The following SLC44A1 variants were observed in gnomAD, a reference collection of about 807,000 sequenced individuals.
SLC44A1 encodes choline transporter-like protein 1.
Under a neutral mutation model 79.3 loss-of-function variants are expected in SLC44A1, and 26 were observed. That is an observed-to-expected ratio of 0.33 (90% confidence interval 0.24 to 0.46). The LOEUF (loss-of-function observed/expected upper bound fraction) is 0.46, where lower values mean the gene tolerates loss of function less well. Ranked by LOEUF, SLC44A1 falls within the 20% of genes least tolerant of loss-of-function variation. The pLI, the probability that SLC44A1 is intolerant of heterozygous loss-of-function variation, is 1.00. For missense variants in SLC44A1, 688 were observed against 798.1 expected (o/e 0.86, Z 1.66); for synonymous variants, 263 against 286.2 (o/e 0.92, Z 0.82).
Position 105,391,294 on chromosome 9 carries a change from T to A in SLC44A1, c.*2238T>A, listed in dbSNP as rs1828757557. On this transcript the variant is annotated 3_prime_UTR_variant, in exon 16 of 16. Transcript: ENST00000374720. The stretch of plus-strand genomic sequence containing the variant: ...ACCAGGAATGCTTTCTAATTATCAT[T>A]TGCAACTAGAACTGTAATCAGAAAG... 1 of 985,758 alleles carries A rather than the reference T, an allele frequency of 1.0e-6. No individual in the cohort carries two copies. The highest frequency in any genetic ancestry group is 1.2e-6 in the Non-Finnish European group (1 of 829,928). 61.1% of individuals were successfully genotyped at this position (985,758 alleles called of 1,614,324 possible). A position where few individuals can be genotyped will look rare whatever the true frequency, so the allele number is the denominator to read the frequency against.
At chr9:105,404,827 AG>A (rs1405557296) in intron 15 of SLC44A1, among the ~76,000 whole-genome samples, 2 of 152,204 alleles carry the variant, frequency 1.3e-5, no homozygotes, top group East Asian at 3.9e-4. Flanking sequence ...AAGCCACAAA[AG>A]CTTTTTGAGG....
chr9:105,276,117 C>G (rs1830195066), intron 1 of SLC44A1, among the ~76,000 whole-genome samples: 1 of 152,084 alleles, frequency 6.6e-6, no homozygotes, highest in Non-Finnish European at 1.5e-5. Context: ...GAAGAACAAT[C>G]TTAGAGTCAC....
Position 105,335,491 on chromosome 9 carries a change from C to T in SLC44A1, c.270-72C>T, listed in dbSNP as rs574713620. ...TGGAATAGATGTTCTTTGCTCTAGG[C>T]TTAGTCAAATATGCAGGGACCCACA... On this transcript the variant is annotated intron_variant, in intron 3 of 15. Coordinates refer to ENST00000374720, the MANE Select transcript of SLC44A1 (RefSeq NM_080546.5). The T allele has an allele frequency of 2.6e-6, 3 of 1,169,130 alleles. No homozygotes were observed. In the East Asian group the frequency reaches 7.3e-5, roughly 29 times the overall value. The allele number at this position is 1,169,130 out of a possible 1,614,324, so 72.4% of individuals were successfully genotyped here. A position where few individuals can be genotyped will look rare whatever the true frequency, so the allele number is the denominator to read the frequency against.
chr9:105,357,223 T>C (rs892312146), intron 6 of SLC44A1: 2 of 152,212 alleles, frequency 1.3e-5, no homozygotes, highest in African/African-American at 4.8e-5. Flanking sequence ...AAGGCTCCCA[T>C]CTGTTTTTGG....
At chr9:105,266,568 A>G (rs1032491079) in intron 1 of SLC44A1, among the ~76,000 whole-genome samples, 1 of 152,308 alleles carries the variant, frequency 6.6e-6, no homozygotes, top group East Asian at 1.9e-4. Flanking sequence ...GACAAAGACT[A>G]TGTTTTCCAT....
chr9:105,277,260 T>C (rs568509156), intron 1 of SLC44A1, among the ~76,000 whole-genome samples: 1 of 152,216 alleles, frequency 6.6e-6, no homozygotes. Context: ...GTAATAGATG[T>C]GTGTTGTGGA....
At chr9:105,421,295 A>C (rs897244351) in intron 15 of SLC44A1, among the ~76,000 whole-genome samples, 6 of 152,188 alleles carry the variant, frequency 3.9e-5, no homozygotes, top group African/African-American at 1.4e-4. Flanking sequence ...TAGTAAGCAA[A>C]AGCCACTGTG....
chr9:105,315,956 G>A lies in SLC44A1; in HGVS notation c.269+6090G>A, dbSNP rs1029773367. Reference sequence around the variant, plus strand: ...ATTTAGCCCTCAGCAAATATTTATGGAAAATCAGCTGTGTCCTACAGACCA... The same window carrying A: ...ATTTAGCCCTCAGCAAATATTTATGAAAAATCAGCTGTGTCCTACAGACCA... On this transcript the variant is annotated intron_variant, in intron 3 of 15. Coordinates refer to ENST00000374720, the MANE Select transcript of SLC44A1 (RefSeq NM_080546.5). Among the ~76,000 whole-genome samples the A allele has an allele frequency of 3.9e-5, 6 of 151,944 alleles. No homozygotes were observed. The South Asian group carries it at 6.2e-4, about 16-fold the overall frequency.
chr9:105,282,343 C>A lies in SLC44A1; in HGVS notation c.37-16877C>A, dbSNP rs539582753. 2.4e-3 allele frequency among the ~76,000 whole-genome samples: 359 copies of A among 151,644 alleles called. 1 individual carries two copies. The highest frequency in any genetic ancestry group is 8.1e-3 in the African/African-American group (336 of 41,388). ...CTTATTTGAGTGTGTCTAATCTAAT[C>A]ACTTTTGATCTTTAGCTGGCTTTCC... On this transcript the variant is annotated intron_variant, in intron 1 of 15. Coordinates refer to ENST00000374720, the MANE Select transcript of SLC44A1 (RefSeq NM_080546.5).
intron 7 of SLC44A1, 121 bp downstream of exon 7, chr9:105,358,554 A>AT: frequency 1.5e-6 from 1 of 651,076 alleles, no homozygotes; most frequent in Admixed American, 3.0e-5. Flanking sequence ...AAGACTGTTA[A>AT]TTTTTGCCTT....
chr9:105,425,840 A>AAACC (rs1413270766), intron 15 of SLC44A1, among the ~76,000 whole-genome samples: 1 of 152,094 alleles, frequency 6.6e-6, no homozygotes, highest in Non-Finnish European at 1.5e-5. Flanking sequence ...ACAAACAAAC[A>AAACC]AAAAACCCTG....
intron 1 of SLC44A1, among the ~76,000 whole-genome samples, chr9:105,298,535 A>G (rs2131286811): frequency 6.6e-6 from 1 of 152,148 alleles, no homozygotes; most frequent in Non-Finnish European, 1.5e-5. Context: ...TTTTTAGTAG[A>G]GACGGGGTTT....
chr9:105,382,569 CTAACAG>C (rs1456411115), intron 13 of SLC44A1, among the ~76,000 whole-genome samples: 2 of 152,060 alleles, frequency 1.3e-5, no homozygotes, highest in African/African-American at 4.8e-5. Context: ...ATATAAATCT[CTAACAG>C]TAAGAGAATG....
intron 15 of SLC44A1, among the ~76,000 whole-genome samples, chr9:105,416,152 C>A (rs1198899168): frequency 1.3e-5 from 2 of 152,072 alleles, no homozygotes; most frequent in African/African-American, 4.8e-5. Flanking sequence ...CCATCTTGGC[C>A]TCCCAAAGTG....
rs139669513 is a variant in SLC44A1 at position 105,433,189 on chromosome 9, G to A, written c.1951-5092G>A. On this transcript the variant is annotated intron_variant, in intron 15 of 15. Coordinates refer to the SLC44A1 transcript ENST00000374724. Reference sequence around the variant, plus strand: ...TGTGCGCCTGTAATCCCAGCTACTCGGGAGGCTGAGGAAGGAGAATTGCTT... The same window carrying A: ...TGTGCGCCTGTAATCCCAGCTACTCAGGAGGCTGAGGAAGGAGAATTGCTT... Among the ~76,000 whole-genome samples, 7 of 152,110 alleles carry A rather than the reference G, an allele frequency of 4.6e-5. No individual in the cohort carries two copies. In the East Asian group the frequency reaches 5.8e-4, roughly 13 times the overall value.
At chr9:105,334,130 A>G (rs975539900) in intron 3 of SLC44A1, among the ~76,000 whole-genome samples, 1 of 152,136 alleles carries the variant, frequency 6.6e-6, no homozygotes, top group African/African-American at 2.4e-5. Flanking sequence ...GAAACAGTCC[A>G]CAAAACCTAC....
At chr9:105,245,312 C>T (rs1488486505) in intron 1 of SLC44A1, among the ~76,000 whole-genome samples, 1 of 152,162 alleles carries the variant, frequency 6.6e-6, no homozygotes, top group African/African-American at 2.4e-5. Flanking sequence ...GTCTCCCCGC[C>T]ATCCGCCGCC....
At chr9:105,293,868 T>C (rs1238497408) in intron 1 of SLC44A1, among the ~76,000 whole-genome samples, 1 of 152,240 alleles carries the variant, frequency 6.6e-6, no homozygotes, top group African/African-American at 2.4e-5. Flanking sequence ...TGGGTTTAGT[T>C]ATTAGGGCTC....
rs754973415 is a variant in SLC44A1, at chr9:105,361,325, T to A, written c.895T>A (p.Phe299Ile). The A allele has an allele frequency of 6.2e-7, 1 of 1,603,238 alleles. No homozygotes were observed. The highest frequency in any genetic ancestry group is 1.1e-5 in the South Asian group (1 of 89,188). ...CATTTATGCCATTTCAGCTACAGTG[T>A]TCACAGTGAGTTTAGGCTTTGGCGT... is the stretch of plus-strand genomic sequence containing the variant. ...LLIYAISATV[F>I]TVILFLIMLV... The change falls in exon 8 of 16, where the codon TTC (phenylalanine) becomes ATC (isoleucine). Residue 299 changes from phenylalanine (F) to isoleucine (I), a missense_variant. Physicochemically the swap from Phe to Ile is conservative, Grantham distance 21. Coordinates refer to ENST00000374720, the MANE Select transcript of SLC44A1 (RefSeq NM_080546.5).
Sources: allele counts gnomAD v4.1 joint callset (sites outside exome capture counted in the v4.1 genomes callset), GRCh38; gene constraint gnomAD v4.1.1; transcripts MANE v1.5; gene names NCBI Gene and HGNC (gene_info 2026-07-23, HGNC 2026-07-21).